AGGF1: variants seen among roughly 807,000 people sequenced by gnomAD.
The protein encoded by AGGF1 is angiogenic factor with G patch and FHA domains 1.
A neutral mutation model predicts 86.5 loss-of-function variants in AGGF1; 56 were observed. The ratio of observed to expected loss-of-function variants is 0.65; its 90% confidence interval spans 0.52 to 0.81. The LOEUF is 0.81. AGGF1 is among the 30% of genes least tolerant of loss of function. The pLI, the probability that AGGF1 is intolerant of heterozygous loss-of-function variation, is 0.00. For synonymous variants in AGGF1, 313 were observed against 297.1 expected (o/e 1.05, Z -0.55); for missense variants, 816 against 850.9 (o/e 0.96, Z 0.51).
intron 11 of AGGF1, among the ~76,000 whole-genome samples, chr5:77,059,007 A>C (rs1479649021): frequency 6.6e-6 from 1 of 152,214 alleles, no homozygotes; most frequent in East Asian, 1.9e-4. Context: ...TATTGTTGCC[A>C]GGGTAAATGG....
At chr5:77,036,427 T>C in intron 3 of AGGF1, 129 bp from the exon 4 acceptor site, 1 of 937,902 alleles carries the variant, frequency 1.1e-6, no homozygotes, top group Non-Finnish European at 1.7e-6. Flanking sequence ...TCATAATTGA[T>C]AGTCATGCTT....
chr5:77,046,754 T>G (rs1358880702), intron 6 of AGGF1, 77 bp downstream of exon 6: 2 of 1,318,988 alleles, frequency 1.5e-6, no homozygotes, highest in Non-Finnish European at 2.2e-6. Flanking sequence ...AAAATGTTAG[T>G]GAGTTGTAGT....
At chr5:77,036,525 G>T (rs1191992680) in intron 3 of AGGF1, 31 bp from the exon 4 acceptor site, 1 of 1,612,258 alleles carries the variant, frequency 6.2e-7, no homozygotes, top group Non-Finnish European at 8.5e-7. Context: ...AGAAGCTTTT[G>T]TCTTATTTGG....
chr5:77,062,848 C>T (rs1352886561), intron 13 of AGGF1, among the ~76,000 whole-genome samples: 2 of 152,060 alleles, frequency 1.3e-5, no homozygotes, highest in Non-Finnish European at 2.9e-5. Context: ...TACTTATTGA[C>T]AAGGCAAGAC....
At chr5:77,049,092 A>G (rs955570807) in intron 8 of AGGF1, 105 bp downstream of exon 8, 16 of 1,079,112 alleles carry the variant, frequency 1.5e-5, no homozygotes, top group Non-Finnish European at 2.2e-5. Flanking sequence ...GAAGGTTAAC[A>G]TGCAGTGTAG....
chr5:77,051,848 A>G (rs2150733237), intron 8 of AGGF1, among the ~76,000 whole-genome samples: 1 of 152,358 alleles, frequency 6.6e-6, no homozygotes, highest in African/African-American at 2.4e-5. Flanking sequence ...ATATCCACAC[A>G]ATGGATTACC....
At chr5:77,041,799 TTA>T (rs1747089999) in intron 5 of AGGF1, among the ~76,000 whole-genome samples, 1 of 131,034 alleles carries the variant, frequency 7.6e-6, no homozygotes, top group African/African-American at 2.7e-5. Context: ...ATTTATTTAT[TTA>T]TTTATTTATT....
intron 8 of AGGF1, among the ~76,000 whole-genome samples, chr5:77,052,171 G>A (rs1747381713): frequency 6.6e-6 from 1 of 151,990 alleles, no homozygotes; most frequent in South Asian, 2.1e-4. Context: ...TGGGCAACAT[G>A]GTGAAACCCT....
intron 8 of AGGF1, among the ~76,000 whole-genome samples, chr5:77,051,281 A>T (rs1344191239): frequency 6.6e-6 from 1 of 151,958 alleles, no homozygotes; most frequent in Admixed American, 6.6e-5. Context: ...AAAATACAAA[A>T]AATTAGCCAG....
In AGGF1 at chr5:77,036,603, A is replaced by T. The variant is rs189199845; in HGVS notation, c.564A>T (p.Ser188=). Reference sequence around the variant, plus strand: ...CAGAAGATACCTCCTTAGAAGGCTCATCATTAGCTGAAAGTTTGAGAGCTG... The same window carrying T: ...CAGAAGATACCTCCTTAGAAGGCTCTTCATTAGCTGAAAGTTTGAGAGCTG... ...LATEDTSLEG[S]SLAESLRAAA... Residue 188 remains serine, a synonymous_variant, in exon 4 of 14, where the codon TCA becomes TCT. Coordinates refer to ENST00000312916, the MANE Select transcript of AGGF1 (RefSeq NM_018046.5). The T allele has an allele frequency of 6.2e-7, 1 of 1,613,814 alleles. No individual in the cohort carries two copies. The highest frequency in any genetic ancestry group is 1.3e-5 in the African/African-American group (1 of 74,934).
At chr5:77,041,309 G>C (rs896000117) in intron 5 of AGGF1, among the ~76,000 whole-genome samples, 14 of 152,154 alleles carry the variant, frequency 9.2e-5, no homozygotes, top group African/African-American at 2.9e-4. Context: ...GCTTATGCCT[G>C]TAATCCCAGC....
intron 1 of AGGF1, 66 bp from the exon 2 acceptor site, chr5:77,034,350 GGA>G: frequency 1.1e-6 from 1 of 947,354 alleles, no homozygotes; most frequent in South Asian, 1.3e-5. Context: ...TGTAACGGTA[GGA>G]GACTGGTATA....
chr5:77,039,474 C>T (rs765619079), intron 4 of AGGF1, 57 bp from the exon 5 acceptor site: 36 of 1,385,802 alleles, frequency 2.6e-5, no homozygotes, highest in Admixed American at 6.1e-5. Context: ...TTGGCATTTT[C>T]GTTAAGTTTA....
At position 77,039,762 on chromosome 5, in the gene AGGF1, CATG is replaced by C. The variant is rs1244002815; in HGVS notation, c.870+46_870+48del. ...TTAAAAATTGACATAATGGTGATAA[CATG>C]ATAATTAAGACAAAATTTTTTATGA... On this transcript the variant is annotated intron_variant, in intron 5 of 13. Coordinates refer to ENST00000312916, the MANE Select transcript of AGGF1 (RefSeq NM_018046.5). The C allele has an allele frequency of 1.9e-5, 29 of 1,559,452 alleles. No homozygotes were observed. The Admixed American group carries it at 2.2e-4, about 12-fold the overall frequency.
At chr5:77,037,289 C>A (rs1203647493) in intron 4 of AGGF1, among the ~76,000 whole-genome samples, 1 of 151,918 alleles carries the variant, frequency 6.6e-6, no homozygotes, top group African/African-American at 2.4e-5. Flanking sequence ...AGAACCTAAA[C>A]CAGTATTTTT....
At chr5:77,048,820 A>C in intron 7 of AGGF1, 116 bp from the exon 8 acceptor site, 2 of 971,466 alleles carry the variant, frequency 2.1e-6, no homozygotes, top group South Asian at 2.7e-5. Flanking sequence ...CATAACCAGG[A>C]GATTTACTGT....
In AGGF1 at chr5:77,059,664, GA is replaced by G. The variant is rs772755193; in HGVS notation, c.1766del (p.Asp589ValfsTer57). Reference sequence around the variant, plus strand: ...GACATTGAAGAATCCAAAATATAAAGATAGAGCTGGAAAACGTAGGGAGCAG... The same window carrying G: ...GACATTGAAGAATCCAAAATATAAAGTAGAGCTGGAAAACGTAGGGAGCAG... The part of the protein sequence containing the change: ...EKTLKNPKYK[D>X]RAGKRREQVG... On this transcript the variant is annotated frameshift_variant, in exon 12 of 14. Transcript: ENST00000312916. LOFTEE classifies it high-confidence loss of function. 3.0e-5 allele frequency: 49 copies of G among 1,612,992 alleles called. No individual in the cohort carries two copies. The highest frequency in any genetic ancestry group is 4.2e-5 in the Non-Finnish European group (49 of 1,179,218).
chr5:77,032,273 AAC>A (rs1491380337), intron 1 of AGGF1, among the ~76,000 whole-genome samples: 4 of 145,990 alleles, frequency 2.7e-5, no homozygotes, highest in Admixed American at 1.4e-4. Flanking sequence ...AAAAAAAAAA[AAC>A]AGGGAGAGGT....
rs1336290447 is a variant in AGGF1, at chr5:77,042,554, C to T, written c.870+2835C>T. Among the ~76,000 whole-genome samples the T allele has an allele frequency of 1.8e-4, 14 of 78,346 alleles. 1 individual carries two copies. The highest frequency in any genetic ancestry group is 5.0e-4 in the African/African-American group (13 of 26,114). The allele number at this position is 78,346 out of a possible 152,430, so 51.4% of individuals were successfully genotyped here. A position where few individuals can be genotyped will look rare whatever the true frequency, so the allele number is the denominator to read the frequency against. ...CCGGGCAGAGGCGCCCCTCACCTCCCGGACGGGGCGGCTGGCCGGGCGGGG... is the reference window on the plus strand; with the variant it reads ...CCGGGCAGAGGCGCCCCTCACCTCCTGGACGGGGCGGCTGGCCGGGCGGGG... On this transcript the variant is annotated intron_variant, in intron 5 of 13. Coordinates refer to ENST00000312916, the MANE Select transcript of AGGF1 (RefSeq NM_018046.5).
Sources: allele counts gnomAD v4.1 joint callset (sites outside exome capture counted in the v4.1 genomes callset), GRCh38; gene constraint gnomAD v4.1.1; transcripts MANE v1.5; gene names NCBI Gene and HGNC (gene_info 2026-07-23, HGNC 2026-07-21).